TSPAN31: variants seen among roughly 807,000 people sequenced by gnomAD.
TSPAN31 encodes the protein tetraspanin 31.
In TSPAN31, 16 loss-of-function variants were observed where a neutral mutation model predicts 24.8. That is an observed-to-expected ratio of 0.64 (90% confidence interval 0.44 to 0.98). The LOEUF (loss-of-function observed/expected upper bound fraction) is 0.98, where lower values mean the gene tolerates loss of function less well. TSPAN31 is among the 50% of genes least tolerant of loss of function. TSPAN31 has a pLI of 0.00. For missense variants in TSPAN31, 209 were observed against 251.6 expected, an observed-to-expected ratio of 0.83 and a Z score of 1.15; for synonymous variants, 87 against 91.4, an observed-to-expected ratio of 0.95 and a Z score of 0.27.
At position 57,745,768 on chromosome 12, in the gene TSPAN31, A is replaced by C. The variant is rs1473275829; in HGVS notation, c.87A>C (p.Gly29=). The part of the protein sequence containing the change: ...VYMLVSLLLI[G]VAAWGKGLGL... ...AGCTGGTGAGCTTGTTGCTCATTGG[A>C]GTGGCTGCTTGGGGCAAGGGCCTGG... The change falls in exon 2 of 6, where the codon GGA becomes GGC. Residue 29 remains glycine, a synonymous_variant. Transcript: ENST00000257910. 1.2e-6 allele frequency: 2 copies of C among 1,613,352 alleles called. No individual in the cohort carries two copies. The highest frequency in any genetic ancestry group is 2.2e-5 in the South Asian group (2 of 91,036).
chr12:57,747,243 T>C lies in TSPAN31; in HGVS notation c.586T>C (p.Phe196Leu). The C allele has an allele frequency of 6.2e-7, 1 of 1,614,196 alleles. No individual in the cohort carries two copies. The highest frequency in any genetic ancestry group is 1.1e-5 in the South Asian group (1 of 91,084). ...EILGVWLAMR[F>L]RNQKDPRANP... ...CCTTGGTGTTTGGCTAGCAATGAGA[T>C]TTCGGAATCAGAAGGATCCTAGAGC... The change falls in exon 6 of 6, where the codon TTT (phenylalanine) becomes CTT (leucine). Residue 196 changes from phenylalanine to leucine, a missense_variant. Physicochemically the swap from Phe to Leu is conservative, Grantham distance 22. Transcript: ENST00000257910.
intron 1 of TSPAN31, 46 bp from the exon 2 acceptor site, chr12:57,745,699 G>A (rs375907964): frequency 4.0e-5 from 65 of 1,611,528 alleles, no homozygotes; most frequent in Non-Finnish European, 5.3e-5. Context: ...CTTGGGCTGT[G>A]CCGCATGCTA....
At position 57,746,223 on chromosome 12, in the gene TSPAN31, T is replaced by A. The variant is rs758473059; in HGVS notation, c.279T>A (p.Ser93=). The A allele has an allele frequency of 6.8e-6, 11 of 1,614,014 alleles. No homozygotes were observed. The highest frequency in any genetic ancestry group is 9.3e-6 in the Non-Finnish European group (11 of 1,179,958). The change falls in exon 3 of 6, where the codon TCT becomes TCA. Residue 93 remains serine, a synonymous_variant. Transcript: ENST00000257910. ...GLVFIFQFVI[S]CSCLAINRSK... ...TCTTCATCTTCCAATTTGTAATCTCTTGCTCATGTCTGGCTATTAACCGAA... is the reference window on the plus strand; with the variant it reads ...TCTTCATCTTCCAATTTGTAATCTCATGCTCATGTCTGGCTATTAACCGAA...
intron 1 of TSPAN31, 133 bp downstream of exon 1, chr12:57,745,350 A>C: frequency 3.2e-6 from 3 of 947,776 alleles, no homozygotes; most frequent in East Asian, 3.0e-5. Context: ...CGACGAGGGA[A>C]TTCCTGGGGA....
rs2140383436 is a variant in TSPAN31 at position 57,749,372 on chromosome 12, G to T, written c.*2082G>T. The T allele has an allele frequency of 6.2e-7, 1 of 1,613,600 alleles. No individual in the cohort carries two copies. Among genetic ancestry groups the T allele is most frequent in the Non-Finnish European group, 8.5e-7 (1 of 1,179,512 alleles). ...AGGGTCCTCCAGTTCCCATCCCCAT[G>T]GGCAGAGCCAGTTGCCATCCTGGGT... On this transcript the variant is annotated 3_prime_UTR_variant, in exon 6 of 6. Transcript: ENST00000257910.
In TSPAN31 at chr12:57,745,053, G is replaced by T. The variant is rs952226360; in HGVS notation, c.-102G>T. The T allele has an allele frequency of 2.6e-5, 30 of 1,139,240 alleles. No individual in the cohort carries two copies. Among genetic ancestry groups the T allele is most frequent in the Admixed American group, 2.0e-5 (1 of 49,204 alleles). The allele number at this position is 1,139,240 out of a possible 1,614,324, so 70.6% of individuals were successfully genotyped here. A position where few individuals can be genotyped will look rare whatever the true frequency, so the allele number is the denominator to read the frequency against. On this transcript the variant is annotated 5_prime_UTR_variant, in exon 1 of 6. Transcript: ENST00000257910. The stretch of plus-strand genomic sequence containing the variant: ...AGGCGCAGAGTATTGGGTTTGGCTG[G>T]CCTCGATTTAAAGAGACAGAAGCTG...
rs367543632 is a variant in TSPAN31 at position 57,745,655 on chromosome 12, C to G, written c.64-90C>G. On this transcript the variant is annotated intron_variant, in intron 1 of 5. Transcript: ENST00000257910. ...TTCACACACTATTCCATTATTCCTT[C>G]CCCCTGCCCCGCTCCCAAGTCCTCT... The G allele has an allele frequency of 3.5e-5, 52 of 1,502,694 alleles. 1 individual carries two copies. In the South Asian group the frequency reaches 5.7e-4, roughly 17 times the overall value. The allele number at this position is 1,502,694 out of a possible 1,614,324, so 93.1% of individuals were successfully genotyped here. A position where few individuals can be genotyped will look rare whatever the true frequency, so the allele number is the denominator to read the frequency against.
chr12:57,749,351 T>TCCTCCAGTTC lies in TSPAN31; in HGVS notation c.*2064_*2073dup. The stretch of plus-strand genomic sequence containing the variant: ...GACAGGAGAACTCTGGTCAGGAGGG[T>TCCTCCAGTTC]CCTCCAGTTCCCATCCCCATGGGCA... On this transcript the variant is annotated 3_prime_UTR_variant, in exon 6 of 6. Coordinates refer to ENST00000257910, the MANE Select transcript of TSPAN31 (RefSeq NM_005981.5). The TCCTCCAGTTC allele has an allele frequency of 6.2e-7, 1 of 1,613,804 alleles. No homozygotes were observed. Among genetic ancestry groups the TCCTCCAGTTC allele is most frequent in the East Asian group, 2.2e-5 (1 of 44,874 alleles).
chr12:57,746,813 G>C lies in TSPAN31; in HGVS notation c.444+93G>C, dbSNP rs1955160252. The stretch of plus-strand genomic sequence containing the variant: ...TGGCAAATTTAGTTTGAATGTCATT[G>C]TTTCTCTCTCTACAAGCCCTCTTGT... On this transcript the variant is annotated intron_variant, in intron 4 of 5. Coordinates refer to ENST00000257910, the MANE Select transcript of TSPAN31 (RefSeq NM_005981.5). 6.4e-6 allele frequency: 10 copies of C among 1,568,692 alleles called. No homozygotes were observed. In the East Asian group the frequency reaches 2.2e-4, roughly 35 times the overall value.
In TSPAN31 at chr12:57,749,339, T is replaced by C. The variant is rs1955203387; in HGVS notation, c.*2049T>C. ...CAGGCTGTGGGGGACAGGAGAACTC[T>C]GGTCAGGAGGGTCCTCCAGTTCCCA... On this transcript the variant is annotated 3_prime_UTR_variant, in exon 6 of 6. Coordinates refer to ENST00000257910, the MANE Select transcript of TSPAN31 (RefSeq NM_005981.5). 1 of 1,614,142 alleles carries C rather than the reference T, an allele frequency of 6.2e-7. No homozygotes were observed. The highest frequency in any genetic ancestry group is 8.5e-7 in the Non-Finnish European group (1 of 1,179,988).
At chr12:57,746,121 T>A in intron 2 of TSPAN31, 55 bp from the exon 3 acceptor site, 1 of 1,523,232 alleles carries the variant, frequency 6.6e-7, no homozygotes. Flanking sequence ...CAGACAGTTA[T>A]TATAGATGAA....
intron 4 of TSPAN31, 38 bp from the exon 5 acceptor site, chr12:57,746,980 A>T: frequency 6.3e-7 from 1 of 1,575,168 alleles, no homozygotes; most frequent in Non-Finnish European, 8.7e-7. Flanking sequence ...TAGCAACTTT[A>T]CATTCACAAC....
chr12:57,745,266 G>A, intron 1 of TSPAN31, 49 bp downstream of exon 1: 1 of 1,582,972 alleles, frequency 6.3e-7, no homozygotes. Flanking sequence ...GGCCCCGTGG[G>A]GAGAATCTCT....
rs746997381 is a variant in TSPAN31 at position 57,745,117 on chromosome 12, A to C, written c.-38A>C. The C allele has an allele frequency of 6.4e-7, 1 of 1,569,670 alleles. No individual in the cohort carries two copies. The highest frequency in any genetic ancestry group is 1.2e-5 in the South Asian group (1 of 86,064). On this transcript the variant is annotated 5_prime_UTR_variant, in exon 1 of 6. Transcript: ENST00000257910. Reference sequence around the variant, plus strand: ...AGACGGTCCCCAATACCCTCCCCCCAAGTCCTTGGGACCACTTGGGTCCCC... The same window carrying C: ...AGACGGTCCCCAATACCCTCCCCCCCAGTCCTTGGGACCACTTGGGTCCCC...
chr12:57,745,396 G>C (rs1955134885), intron 1 of TSPAN31, 179 bp downstream of exon 1: 1 of 689,158 alleles, frequency 1.5e-6, no homozygotes, highest in East Asian at 2.7e-5. Context: ...GGTTGATTAA[G>C]GGGGTTTGTC....
In TSPAN31 at chr12:57,749,451, T is replaced by TA; in HGVS notation, c.*2162dup. 6.2e-7 allele frequency: 1 copy of TA among 1,614,134 alleles called. No individual in the cohort carries two copies. The highest frequency in any genetic ancestry group is 2.2e-5 in the East Asian group (1 of 44,880). The stretch of plus-strand genomic sequence containing the variant: ...ATCTTTTTCTCCCATGTTGGTCACT[T>TA]ACTCAAAGATTTTGCCCAACTGGTC... On this transcript the variant is annotated 3_prime_UTR_variant, in exon 6 of 6. Transcript: ENST00000257910.
Position 57,745,106 on chromosome 12 carries a change from A to G in TSPAN31, c.-49A>G. 1 of 1,544,116 alleles carries G rather than the reference A, an allele frequency of 6.5e-7. No homozygotes were observed. Among genetic ancestry groups the G allele is most frequent in the Non-Finnish European group, 8.8e-7 (1 of 1,136,122 alleles). On this transcript the variant is annotated 5_prime_UTR_variant, in exon 1 of 6. In the 5' UTR this introduces an upstream ATG that the reference lacks. Transcript: ENST00000257910. ...GGGGTCCTGGAAGACGGTCCCCAAT[A>G]CCCTCCCCCCAAGTCCTTGGGACCA... is the stretch of plus-strand genomic sequence containing the variant.
Position 57,747,259 on chromosome 12 carries a change from A to C in TSPAN31, c.602A>C (p.Asp201Ala). The C allele has an allele frequency of 6.2e-7, 1 of 1,614,164 alleles. No homozygotes were observed. Among genetic ancestry groups the C allele is most frequent in the Non-Finnish European group, 8.5e-7 (1 of 1,180,018 alleles). ...WLAMRFRNQKDPRANPSAFL is the reference protein window; with the variant it reads ...WLAMRFRNQKAPRANPSAFL ...GCAATGAGATTTCGGAATCAGAAGG[A>C]TCCTAGAGCCAACCCCAGTGCCTTT... Residue 201 changes from aspartate (D) to alanine (A), a missense_variant, in exon 6 of 6, where the codon GAT becomes GCT. Physicochemically the swap from Asp to Ala is moderately radical, Grantham distance 126. Coordinates refer to ENST00000257910, the MANE Select transcript of TSPAN31 (RefSeq NM_005981.5).
At chr12:57,745,394 A>G (rs1468696897) in intron 1 of TSPAN31, 177 bp downstream of exon 1, 1 of 655,274 alleles carries the variant, frequency 1.5e-6, no homozygotes, top group Non-Finnish European at 2.6e-6. Flanking sequence ...CCGGTTGATT[A>G]AGGGGGTTTG....
Sources: allele counts gnomAD v4.1 joint callset, GRCh38; gene constraint gnomAD v4.1.1; transcripts MANE v1.5; gene names NCBI Gene and HGNC (gene_info 2026-07-23, HGNC 2026-07-21).